COQ10B: variants seen among roughly 807,000 people sequenced by gnomAD.
COQ10B encodes the protein coenzyme Q-binding protein COQ10 homolog B, mitochondrial.
A neutral mutation model predicts 27.6 loss-of-function variants in COQ10B; 12 were observed. The ratio of observed to expected loss-of-function variants is 0.43; its 90% CI spans 0.28 to 0.70. The LOEUF (loss-of-function observed/expected upper bound fraction) is 0.70, where lower values mean the gene tolerates loss of function less well. Ranked by LOEUF, COQ10B falls within the 30% of genes least tolerant of loss-of-function variation. COQ10B has a pLI of 0.17. For missense variants in COQ10B, 278 were observed against 288.7 expected (o/e 0.96, Z 0.27); for synonymous variants, 115 against 103.0 (o/e 1.12, Z -0.71).
chr2:197,455,688 A>G (rs2085689960), intron 1 of COQ10B, among the ~76,000 whole-genome samples: 1 of 151,904 alleles, frequency 6.6e-6, no homozygotes, highest in Admixed American at 6.6e-5. Flanking sequence ...GGCCGGACAC[A>G]GTGACTCACA....
intron 1 of COQ10B, among the ~76,000 whole-genome samples, chr2:197,454,915 TATTC>T (rs988905166): frequency 6.6e-6 from 1 of 152,312 alleles, no homozygotes; most frequent in Middle Eastern, 3.4e-3. Context: ...AGTTGTCCAG[TATTC>T]ATTTCATGGT....
At chr2:197,462,065 C>T (rs1373314179) in intron 2 of COQ10B, among the ~76,000 whole-genome samples, 1 of 151,902 alleles carries the variant, frequency 6.6e-6, no homozygotes, top group Non-Finnish European at 1.5e-5. Flanking sequence ...GTCAGGAGAT[C>T]GAGACCGTTC....
At chr2:197,466,501 GC>G (rs2085826105) in intron 3 of COQ10B, among the ~76,000 whole-genome samples, 1 of 152,128 alleles carries the variant, frequency 6.6e-6, no homozygotes, top group Non-Finnish European at 1.5e-5. Flanking sequence ...GAGGGAAGGA[GC>G]CCCTGTCTTT....
At chr2:197,464,099 A>G (rs2085799079) in intron 3 of COQ10B, among the ~76,000 whole-genome samples, 1 of 147,504 alleles carries the variant, frequency 6.8e-6, no homozygotes, top group Non-Finnish European at 1.5e-5. Context: ...ATATACATAT[A>G]TATGTATAAA....
chr2:197,459,042 C>G (rs1008658205), intron 1 of COQ10B, among the ~76,000 whole-genome samples: 6 of 152,142 alleles, frequency 3.9e-5, no homozygotes, highest in Non-Finnish European at 7.3e-5. Context: ...ATATAGCAGA[C>G]ATTTGTACAT....
At chr2:197,460,201 G>T in intron 2 of COQ10B, 120 bp downstream of exon 2, 4 of 652,126 alleles carry the variant, frequency 6.1e-6, no homozygotes, top group Admixed American at 4.1e-5. Flanking sequence ...TTTCTAGGTT[G>T]GCCTTTTTCT....
Position 197,456,257 on chromosome 2 carries a change from A to C in COQ10B, c.104+2593A>C, listed in dbSNP as rs568822828. 1.2e-4 allele frequency among the ~76,000 whole-genome samples: 18 copies of C among 152,194 alleles called. No homozygotes were observed. In the East Asian group the frequency reaches 3.5e-3, roughly 29 times the overall value. On this transcript the variant is annotated intron_variant, in intron 1 of 4. Coordinates refer to ENST00000263960, the MANE Select transcript of COQ10B (RefSeq NM_025147.5). ...AAGGTGGGCGGATCACAAGGTCAAG[A>C]GATCAAGACCATCCTGGCCAACATG...
Position 197,459,843 on chromosome 2 carries a change from A to T in COQ10B, c.105-89A>T, listed in dbSNP as rs1210564871. On this transcript the variant is annotated intron_variant, in intron 1 of 4. Transcript: ENST00000263960. ...CATTCTGAAGTTGCAAAGCCTTACA[A>T]AGTGGATAATTACTTTATAGTTTCT... 1.0e-5 allele frequency: 10 copies of T among 970,780 alleles called. No individual in the cohort carries two copies. In the East Asian group the frequency reaches 2.8e-4, roughly 27 times the overall value. 60.1% of individuals were successfully genotyped at this position (970,780 alleles called of 1,614,324 possible).
At chr2:197,455,655 AC>A (rs2085689604) in intron 1 of COQ10B, among the ~76,000 whole-genome samples, 1 of 151,116 alleles carries the variant, frequency 6.6e-6, no homozygotes, top group Non-Finnish European at 1.5e-5. Flanking sequence ...ACAGAACCAG[AC>A]CCTGTCTCAA....
intron 3 of COQ10B, among the ~76,000 whole-genome samples, chr2:197,468,048 T>C (rs1411567567): frequency 6.6e-6 from 1 of 152,196 alleles, no homozygotes; most frequent in African/African-American, 2.4e-5. Flanking sequence ...AAATGAGGTC[T>C]TTGGCAAACT....
rs769067620 is a variant in COQ10B, at chr2:197,453,636, G to A, written c.76G>A (p.Gly26Arg). ...CCGTCCGAAGTCGGCGACAGCGGCC[G>A]GGGCGCAGGCGCCCGTGCGGAATGG... is the stretch of plus-strand genomic sequence containing the variant. ...GCRPKSATAA[G>R]AQAPVRNGRY... The change falls in exon 1 of 5, where the codon GGG (glycine) becomes AGG (arginine). Residue 26 changes from glycine to arginine, a missense_variant. This residue lies in a region of COQ10B where 183 missense variants were observed against 158.2 expected (regional missense o/e 1.16). Coordinates refer to ENST00000263960, the MANE Select transcript of COQ10B (RefSeq NM_025147.5). The A allele has an allele frequency of 6.2e-7, 1 of 1,614,008 alleles. No homozygotes were observed. Among genetic ancestry groups the A allele is most frequent in the Middle Eastern group, 1.6e-4 (1 of 6,062 alleles).
rs542187756 is a variant in COQ10B at position 197,474,659 on chromosome 2, C to T, written c.*735C>T. 1 of 152,454 alleles carries T rather than the reference C, an allele frequency of 6.6e-6. No homozygotes were observed. Among genetic ancestry groups the T allele is most frequent in the Non-Finnish European group, 1.5e-5 (1 of 68,042 alleles). 9.4% of individuals were successfully genotyped at this position (152,454 alleles called of 1,614,324 possible). A position where few individuals can be genotyped will look rare whatever the true frequency, so the allele number is the denominator to read the frequency against. On this transcript the variant is annotated 3_prime_UTR_variant, in exon 5 of 5. Coordinates refer to ENST00000263960, the MANE Select transcript of COQ10B (RefSeq NM_025147.5). The stretch of plus-strand genomic sequence containing the variant: ...CAAGATCGCCCTGCTGCACTCCAGC[C>T]TGGGCAACAGAGGGAGACTCTGTCT...
intron 4 of COQ10B, among the ~76,000 whole-genome samples, chr2:197,471,432 G>A (rs1269562438): frequency 6.6e-6 from 1 of 151,776 alleles, no homozygotes; most frequent in African/African-American, 2.4e-5. Context: ...GTGAGCCACC[G>A]CACCCAGCCT....
At chr2:197,465,110 C>A (rs953323442) in intron 3 of COQ10B, among the ~76,000 whole-genome samples, 1 of 152,102 alleles carries the variant, frequency 6.6e-6, no homozygotes, top group Non-Finnish European at 1.5e-5. Flanking sequence ...TGGTCTCGAT[C>A]TCCTGACCTC....
chr2:197,466,356 C>T (rs2085824769), intron 3 of COQ10B, among the ~76,000 whole-genome samples: 1 of 152,178 alleles, frequency 6.6e-6, no homozygotes. Context: ...CATCTGGGGT[C>T]ATTTTCTCTC....
chr2:197,471,712 C>T (rs2085879034), intron 4 of COQ10B, among the ~76,000 whole-genome samples: 2 of 152,004 alleles, frequency 1.3e-5, no homozygotes, highest in South Asian at 4.2e-4. Context: ...GAGGCCGAGG[C>T]GGGCAGATCA....
At position 197,475,143 on chromosome 2, in the gene COQ10B, T is replaced by C. The variant is rs921377167; in HGVS notation, c.*1219T>C. On this transcript the variant is annotated 3_prime_UTR_variant, in exon 5 of 5. Coordinates refer to ENST00000263960, the MANE Select transcript of COQ10B (RefSeq NM_025147.5). ...TTATTTTTTGTACAGTTAGTTTGGT[T>C]ATTGAAATCTTCCTATATTGTTTAA... The C allele has an allele frequency of 1.3e-5, 2 of 152,390 alleles. No homozygotes were observed. The highest frequency in any genetic ancestry group is 2.9e-5 in the Non-Finnish European group (2 of 68,048). 9.4% of individuals were successfully genotyped at this position (152,390 alleles called of 1,614,324 possible). A position where few individuals can be genotyped will look rare whatever the true frequency, so the allele number is the denominator to read the frequency against.
At chr2:197,461,690 C>A (rs1047011387) in intron 2 of COQ10B, among the ~76,000 whole-genome samples, 1 of 148,884 alleles carries the variant, frequency 6.7e-6, no homozygotes, top group Middle Eastern at 3.5e-3. Context: ...ACTCTATAGC[C>A]CAGGCTGTGG....
intron 2 of COQ10B, among the ~76,000 whole-genome samples, chr2:197,461,274 C>T (rs2085754783): frequency 6.6e-6 from 1 of 152,072 alleles, no homozygotes; most frequent in Non-Finnish European, 1.5e-5. Flanking sequence ...GAAACCCAGG[C>T]TACATCCAAC....
Sources: gnomAD v4.1 joint callset for allele counts (sites outside exome capture counted in the v4.1 genomes callset) on GRCh38, gnomAD v4.1.1 for gene constraint, gnomAD v4.1.1 regional missense constraint, MANE v1.5 for transcripts, NCBI Gene and HGNC (gene_info 2026-07-23, HGNC 2026-07-21) for gene names.